Variants in COL18A1 observed in about 807,000 individuals in gnomAD.
The protein encoded by COL18A1 is collagen alpha-1(XVIII) chain.
COL18A1 carries 133 observed loss-of-function variants against 168.0 expected under a neutral mutation model. That is an observed-to-expected ratio of 0.79 (90% CI 0.69 to 0.91). The LOEUF (loss-of-function observed/expected upper bound fraction) is 0.91. COL18A1 is among the 40% of genes least tolerant of loss of function. The pLI is 0.00. For missense variants in COL18A1, 2,126 were observed against 1,925.4 expected (o/e 1.10, Z -1.95); for synonymous variants, 949 against 809.0 (o/e 1.17, Z -2.94).
chr21:45,507,800 G>A (rs983117735), intron 38 of COL18A1, among the ~76,000 whole-genome samples: 1 of 152,206 alleles, frequency 6.6e-6, no homozygotes, highest in Non-Finnish European at 1.5e-5. Flanking sequence ...CGTCTCAGCT[G>A]CTGGCCTCAC....
intron 16 of COL18A1, 115 bp from the exon 17 acceptor site, chr21:45,487,322 CGGCTCCCCAG>C (rs1446820894): frequency 1.1e-5 from 13 of 1,133,624 alleles, no homozygotes; most frequent in African/African-American, 3.0e-5. Flanking sequence ...CTGAGAACGG[CGGCTCCCCAG>C]GCCACCGTGG....
Position 45,443,548 on chromosome 21 carries a change from C to T in COL18A1, c.107-24694C>T, listed in dbSNP as rs1422647334. 2.6e-5 allele frequency among the ~76,000 whole-genome samples: 4 copies of T among 152,122 alleles called. No homozygotes were observed. Among genetic ancestry groups the T allele is most frequent in the African/African-American group, 9.7e-5 (4 of 41,440 alleles). On this transcript the variant is annotated intron_variant, in intron 2 of 41. Coordinates refer to ENST00000651438, the MANE Select transcript of COL18A1 (RefSeq NM_001379500.1). This position sits in a 1 kb window ranked among gnomAD's most constrained non-coding sequence, Gnocchi z 5.2. The stretch of plus-strand genomic sequence containing the variant: ...GGGCTCCCTCCTTGCACTGTGGTCT[C>T]TCGGGACCTAGGAGGTCCCGGGGTG...
intron 2 of COL18A1, among the ~76,000 whole-genome samples, chr21:45,441,021 C>T (rs1265769924): frequency 6.6e-6 from 1 of 152,242 alleles, no homozygotes; most frequent in Non-Finnish European, 1.5e-5. Flanking sequence ...GGAGACCTCA[C>T]TGCTTGCCCC....
Position 45,468,756 on chromosome 21 carries a change from G to C in COL18A1, c.621G>C (p.Gln207His), listed in dbSNP as rs1343144998. ...CTGGCGCCGGGCTCTTCGTGGCTCA[G>C]GCGGGGGGAGCGGACCCTGACAAGT... is the stretch of plus-strand genomic sequence containing the variant. ...LEPGAGLFVA[Q>H]AGGADPDKFQ... The change falls in exon 3 of 42, where the codon CAG (glutamine) becomes CAC (histidine). Residue 207 changes from glutamine (Q) to histidine (H), a missense_variant. By Grantham distance (24) the Gln-to-His change is conservative. Coordinates refer to ENST00000651438, the MANE Select transcript of COL18A1 (RefSeq NM_001379500.1). 2 of 1,605,982 alleles carry C rather than the reference G, an allele frequency of 1.2e-6. No individual in the cohort carries two copies. Among genetic ancestry groups the C allele is most frequent in the Admixed American group, 3.3e-5 (2 of 59,862 alleles).
chr21:45,414,950 GATGATGGAGATGGAGCCGCTGGGGAGGGC>G (rs1363789283), intron 2 of COL18A1, among the ~76,000 whole-genome samples: 9 of 152,254 alleles, frequency 5.9e-5, no homozygotes, highest in Middle Eastern at 6.8e-3. Flanking sequence ...GAGAGGAGGG[GATGATGGAGATGGAGCCGCTGGGGAGGGC>G]ATGAGAAGAC....
At chr21:45,437,139 CACA>C (rs1180503004) in intron 2 of COL18A1, among the ~76,000 whole-genome samples, 19 of 38,652 alleles carry the variant, frequency 4.9e-4, no homozygotes, top group African/African-American at 3.8e-3. Context: ...AGGCACTCTC[CACA>C]CACACTCACA....
rs1250149611 is a variant in COL18A1, at chr21:45,489,534, C to T, written c.1959+13C>T. On this transcript the variant is annotated intron_variant, in intron 19 of 41. Transcript: ENST00000651438. ...GCCGGGGGCGAAGGTAAGCGCTGTG[C>T]CCGGGTTCAGGGACGTGGCCAGGCA... 4.4e-6 allele frequency: 7 copies of T among 1,580,114 alleles called. No homozygotes were observed. The East Asian group carries it at 9.1e-5, about 21-fold the overall frequency.
In COL18A1 at chr21:45,480,410, T is replaced by G. The variant is rs189435755; in HGVS notation, c.1399-57T>G. On this transcript the variant is annotated intron_variant, in intron 11 of 41. Coordinates refer to ENST00000651438, the MANE Select transcript of COL18A1 (RefSeq NM_001379500.1). ...CAGCTTGCGGGGCAGGGGCCAGGAG[T>G]AGGCCAGGCGGGGGGCCGAGCTCAG... 9.3e-6 allele frequency: 15 copies of G among 1,613,154 alleles called. No individual in the cohort carries two copies. The East Asian group carries it at 2.5e-4, about 26-fold the overall frequency.
chr21:45,483,691 G>A (rs1018876607), intron 15 of COL18A1, among the ~76,000 whole-genome samples: 5 of 152,196 alleles, frequency 3.3e-5, no homozygotes, highest in Non-Finnish European at 7.3e-5. Context: ...GGCTGGACGG[G>A]GTTGGCACTA....
chr21:45,416,777 C>T (rs1424660206), intron 2 of COL18A1, among the ~76,000 whole-genome samples: 1 of 152,204 alleles, frequency 6.6e-6, no homozygotes, highest in East Asian at 1.9e-4. Flanking sequence ...AGCAGCACAG[C>T]TCACTTTGCC....
intron 22 of COL18A1, 83 bp downstream of exon 22, chr21:45,491,397 C>T (rs1879176244): frequency 1.5e-6 from 1 of 686,798 alleles, no homozygotes; most frequent in East Asian, 2.8e-5. Context: ...CCCCCCCACA[C>T]CCCCACATCC....
intron 2 of COL18A1, among the ~76,000 whole-genome samples, chr21:45,436,752 T>TC (rs1194845345): frequency 1.3e-5 from 2 of 148,758 alleles, no homozygotes; most frequent in African/African-American, 5.0e-5. Flanking sequence ...GGCTGTGGGG[T>TC]CCCTGATGGG....
intron 2 of COL18A1, chr21:45,424,739 C>T (rs893231148): frequency 3.9e-5 from 6 of 152,336 alleles, no homozygotes; most frequent in African/African-American, 1.4e-4. Context: ...CGGGGCAGCC[C>T]TTGGCCCCCA....
rs899036619 is a variant in COL18A1 at position 45,512,300 on chromosome 21, C to G, written c.3922C>G (p.Leu1308Val). The change falls in exon 42 of 42, where the codon CTG becomes GTG. Residue 1308 changes from leucine (L) to valine (V), a missense_variant. Transcript: ENST00000651438. ...CTCGGCCACGGGCCAGGCCTCCTCGCTGCTGGGGGGCAGGCTCCTGGGGCA... is the reference window on the plus strand; with the variant it reads ...CTCGGCCACGGGCCAGGCCTCCTCGGTGCTGGGGGGCAGGCTCCTGGGGCA... Reference protein sequence around the residue: ...APSATGQASSLLGGRLLGQSA... With the variant: ...APSATGQASSVLGGRLLGQSA... The G allele has an allele frequency of 1.9e-6, 3 of 1,612,244 alleles. No homozygotes were observed. The highest frequency in any genetic ancestry group is 3.3e-5 in the Admixed American group (2 of 59,952).
chr21:45,421,470 G>A (rs200698726), intron 2 of COL18A1: 58 of 534,448 alleles, frequency 1.1e-4, no homozygotes, highest in Non-Finnish European at 1.8e-4. Flanking sequence ...TCTCAGGAGC[G>A]GAGCAGGACA....
At chr21:45,456,206 G>A (rs1398629598) in intron 2 of COL18A1, 15 of 1,605,206 alleles carry the variant, frequency 9.3e-6, no homozygotes, top group Admixed American at 3.4e-5. Flanking sequence ...CTTGCTGGGC[G>A]GGGCCCCTCC....
intron 2 of COL18A1, chr21:45,456,309 G>A (rs899510965): frequency 2.4e-5 from 38 of 1,553,050 alleles, no homozygotes; most frequent in South Asian, 8.3e-5. Flanking sequence ...GTCCGCCTGC[G>A]CACGCCACTT....
chr21:45,438,830 G>A (rs2034291769), intron 2 of COL18A1, among the ~76,000 whole-genome samples: 1 of 152,260 alleles, frequency 6.6e-6, no homozygotes. Context: ...CCGGAAGGAA[G>A]AAAGTGAAGT....
chr21:45,468,645 A>G lies in COL18A1; in HGVS notation c.510A>G (p.Ala170=), dbSNP rs76754353. ...GGACACACTTAGCCCTCAGTGTGGCAGGTGGCTTTGTGGCCCTCTACGTGG... is the reference window on the plus strand; with the variant it reads ...GGACACACTTAGCCCTCAGTGTGGCGGGTGGCTTTGTGGCCCTCTACGTGG... ...GQWTHLALSV[A]GGFVALYVDC... is the part of the protein sequence containing the mutation. The change falls in exon 3 of 42, where the codon GCA becomes GCG. Residue 170 remains alanine (A), a synonymous_variant. Transcript: ENST00000651438. The G allele has an allele frequency of 5.6e-3, 9,041 of 1,614,036 alleles. 429 individuals carry two copies. In the African/African-American group the frequency reaches 0.1, roughly 18 times the overall value.
Sources: gnomAD v4.1 joint callset for allele counts (sites outside exome capture counted in the v4.1 genomes callset) on GRCh38, gnomAD v4.1.1 for gene constraint, Gnocchi (gnomAD v3.1) non-coding constraint, MANE v1.5 for transcripts, NCBI Gene and HGNC (gene_info 2026-07-23, HGNC 2026-07-21) for gene names.